LRRTM4: variants seen among roughly 807,000 people sequenced by gnomAD.
LRRTM4 encodes leucine rich repeat transmembrane neuronal 4.
Under a neutral mutation model 47.6 loss-of-function variants are expected in LRRTM4, and 25 were observed. That is an observed-to-expected ratio of 0.53 (90% CI 0.38 to 0.73). The LOEUF (loss-of-function observed/expected upper bound fraction) is 0.73, where lower values mean the gene tolerates loss of function less well. Among genes scored for constraint, LRRTM4 ranks in the 30% least tolerant of loss-of-function variants. The probability of loss-of-function intolerance (pLI) is 0.00; values close to 1 mark genes in which losing one functional copy is unlikely to be tolerated. For synonymous variants in LRRTM4, 311 were observed against 269.5 expected, an observed-to-expected ratio of 1.15 and a Z score of -1.51; for missense variants, 638 against 713.4, an observed-to-expected ratio of 0.89 and a Z score of 1.20.
chr2:77,034,106 TATA>T (rs1678756940), intron 3 of LRRTM4, among the ~76,000 whole-genome samples: 1 of 151,706 alleles, frequency 6.6e-6, no homozygotes, highest in African/African-American at 2.4e-5. Context: ...TAAAATAGCA[TATA>T]ATAAGATTTT....
At chr2:77,284,446 A>G (rs1217087925) in intron 3 of LRRTM4, among the ~76,000 whole-genome samples, 1 of 152,132 alleles carries the variant, frequency 6.6e-6, no homozygotes, top group Non-Finnish European at 1.5e-5. Context: ...AAATATAGAA[A>G]GTAGTAAAAA....
At chr2:76,897,730 C>G (rs1033100276) in intron 3 of LRRTM4, among the ~76,000 whole-genome samples, 3 of 152,108 alleles carry the variant, frequency 2.0e-5, no homozygotes, top group African/African-American at 7.2e-5. Context: ...ATTTCAAATG[C>G]AATCTCCTTC....
At chr2:76,989,238 A>T (rs563210032) in intron 3 of LRRTM4, among the ~76,000 whole-genome samples, 1 of 151,944 alleles carries the variant, frequency 6.6e-6, no homozygotes, top group Admixed American at 6.6e-5. Flanking sequence ...TGAAAATTTA[A>T]TAATCTATTT....
At chr2:76,930,507 G>A (rs1189623535) in intron 3 of LRRTM4, among the ~76,000 whole-genome samples, 1 of 152,160 alleles carries the variant, frequency 6.6e-6, no homozygotes, top group Non-Finnish European at 1.5e-5. Flanking sequence ...AACCGCAGAT[G>A]CCACAGCAGA....
intron 3 of LRRTM4, among the ~76,000 whole-genome samples, chr2:77,060,660 G>A (rs1301338603): frequency 6.6e-6 from 1 of 152,140 alleles, no homozygotes; most frequent in East Asian, 1.9e-4. Context: ...ACAGTATTGT[G>A]TAATGCTGAA....
intron 3 of LRRTM4, among the ~76,000 whole-genome samples, chr2:77,142,555 T>C (rs546102333): frequency 2.0e-5 from 3 of 152,108 alleles, no homozygotes; most frequent in Admixed American, 6.6e-5. Context: ...ATATTAATAA[T>C]TATTGAATTC....
intron 3 of LRRTM4, among the ~76,000 whole-genome samples, chr2:77,121,579 A>T (rs1216442993): frequency 1.3e-5 from 2 of 151,890 alleles, no homozygotes; most frequent in African/African-American, 4.8e-5. Context: ...GAAATATATA[A>T]AACTGAAATA....
intron 3 of LRRTM4, among the ~76,000 whole-genome samples, chr2:77,273,288 T>C (rs1423510029): frequency 6.6e-6 from 1 of 152,170 alleles, no homozygotes; most frequent in African/African-American, 2.4e-5. Flanking sequence ...ACCAATAATT[T>C]TCAGAGCACC....
intron 3 of LRRTM4, among the ~76,000 whole-genome samples, chr2:77,488,706 T>C (rs151075454): frequency 8.7e-4 from 133 of 152,258 alleles, no homozygotes; most frequent in African/African-American, 3.0e-3. Context: ...TATGATCTAG[T>C]CAATTGCAGA....
At chr2:76,905,938 G>A (rs1425939467) in intron 3 of LRRTM4, among the ~76,000 whole-genome samples, 8 of 151,154 alleles carry the variant, frequency 5.3e-5, no homozygotes, top group African/African-American at 1.9e-4. Flanking sequence ...TATTATCCAA[G>A]AGAACTTCCC....
chr2:76,846,568 A>G (rs1671843593), intron 3 of LRRTM4, among the ~76,000 whole-genome samples: 1 of 152,142 alleles, frequency 6.6e-6, no homozygotes, highest in Non-Finnish European at 1.5e-5. Flanking sequence ...ATGCTATCTA[A>G]TAATTTTATA....
At chr2:76,961,773 G>A (rs1321032138) in intron 3 of LRRTM4, among the ~76,000 whole-genome samples, 3 of 151,162 alleles carry the variant, frequency 2.0e-5, no homozygotes, top group Non-Finnish European at 3.0e-5. Context: ...CAGGCTCTAG[G>A]TGATACATAC....
chr2:77,033,972 A>T (rs1330486209), intron 3 of LRRTM4, among the ~76,000 whole-genome samples: 1 of 151,890 alleles, frequency 6.6e-6, no homozygotes, highest in African/African-American at 2.4e-5. Flanking sequence ...CTATAATACA[A>T]TCAAGATTTC....
At chr2:76,965,178 C>A (rs186817273) in intron 3 of LRRTM4, among the ~76,000 whole-genome samples, 1 of 151,118 alleles carries the variant, frequency 6.6e-6, no homozygotes, top group Admixed American at 6.6e-5. Flanking sequence ...AGAGGACAAA[C>A]TTCCTATCAC....
chr2:77,405,204 A>T (rs578033405), intron 3 of LRRTM4, among the ~76,000 whole-genome samples: 39 of 152,156 alleles, frequency 2.6e-4, no homozygotes, highest in Admixed American at 5.9e-4. Context: ...ATTGCAACCA[A>T]ATTAATACTA....
intron 3 of LRRTM4, among the ~76,000 whole-genome samples, chr2:77,093,489 T>C (rs370933304): frequency 0.026 from 3,865 of 151,160 alleles, 212 homozygotes; most frequent in African/African-American, 0.089. Flanking sequence ...TACACAAGAC[T>C]TCCCTTCAGC....
At chr2:76,837,992 C>T (rs1287823637) in intron 3 of LRRTM4, among the ~76,000 whole-genome samples, 2 of 151,554 alleles carry the variant, frequency 1.3e-5, no homozygotes, top group Middle Eastern at 3.4e-3. Context: ...TGCTAAATGA[C>T]GAGTTAATGG....
chr2:76,934,864 T>A (rs1674889084), intron 3 of LRRTM4, among the ~76,000 whole-genome samples: 1 of 150,854 alleles, frequency 6.6e-6, no homozygotes, highest in South Asian at 2.2e-4. Flanking sequence ...TATTCAGCAG[T>A]GTATCAGCTT....
At chr2:77,011,431 G>C (rs765701234) in intron 3 of LRRTM4, among the ~76,000 whole-genome samples, 13 of 151,946 alleles carry the variant, frequency 8.6e-5, no homozygotes, top group Non-Finnish European at 1.8e-4. Context: ...ACCATTATTG[G>C]AACTGGTAGA....
Sources: gnomAD v4.1 joint callset for allele counts (sites outside exome capture counted in the v4.1 genomes callset) on GRCh38, gnomAD v4.1.1 for gene constraint, MANE v1.5 for transcripts, NCBI Gene and HGNC (gene_info 2026-07-23, HGNC 2026-07-21) for gene names.